The following CCNF variants were observed in gnomAD, a reference collection of about 807,000 sequenced individuals.
CCNF encodes cyclin-F.
A neutral mutation model predicts 85.4 loss-of-function variants in CCNF; 30 were observed. The observed-to-expected ratio is 0.35, with a 90% CI of 0.26 to 0.48. The LOEUF is 0.48. Ranked by LOEUF, CCNF falls within the 20% of genes least tolerant of loss-of-function variation. The probability of loss-of-function intolerance (pLI) is 0.99; values close to 1 mark genes in which losing one functional copy is unlikely to be tolerated. For missense variants in CCNF, 919 were observed against 1,010.4 expected (o/e 0.91, Z 1.23); for synonymous variants, 439 against 425.1 (o/e 1.03, Z -0.40).
chr16:2,429,450 C>A lies in CCNF; in HGVS notation c.-32C>A. The A allele has an allele frequency of 2.5e-6, 3 of 1,217,716 alleles. No individual in the cohort carries two copies. Among genetic ancestry groups the A allele is most frequent in the Non-Finnish European group, 3.1e-6 (3 of 979,580 alleles). 75.4% of individuals were successfully genotyped at this position (1,217,716 alleles called of 1,614,324 possible). A position where few individuals can be genotyped will look rare whatever the true frequency, so the allele number is the denominator to read the frequency against. On this transcript the variant is annotated 5_prime_UTR_variant, in exon 1 of 17. Coordinates refer to ENST00000397066, the MANE Select transcript of CCNF (RefSeq NM_001761.3). ...GCCGGGGCGCGGGCGCGCTCTCAGG[C>A]GGGCTCCGGCGGCAGCGACGCGAGC...
chr16:2,431,447 G>T (rs963910111), intron 2 of CCNF, among the ~76,000 whole-genome samples, 163 bp downstream of exon 2: 1 of 152,116 alleles, frequency 6.6e-6, no homozygotes, highest in Non-Finnish European at 1.5e-5. Context: ...GGAGGCCGAA[G>T]GGGGGTGGAT....
chr16:2,445,918 CGG>C (rs1057008498), intron 10 of CCNF, among the ~76,000 whole-genome samples: 5 of 151,942 alleles, frequency 3.3e-5, no homozygotes, highest in Non-Finnish European at 5.9e-5. Context: ...TTAGTAGAGA[CGG>C]GGTTTCATCA....
At chr16:2,434,711 G>A (rs1184465749) in intron 3 of CCNF, among the ~76,000 whole-genome samples, 2 of 152,280 alleles carry the variant, frequency 1.3e-5, no homozygotes, top group East Asian at 1.9e-4. Flanking sequence ...ACTTTAGAAC[G>A]TTCTCCTTAC....
intron 5 of CCNF, 61 bp from the exon 6 acceptor site, chr16:2,438,009 G>A (rs2065300723): frequency 1.7e-6 from 2 of 1,151,444 alleles, no homozygotes; most frequent in East Asian, 4.7e-5. Flanking sequence ...AGACAAGGGA[G>A]TGGTGGCCCC....
At position 2,453,659 on chromosome 16, in the gene CCNF, A is replaced by C; in HGVS notation, c.1715+122A>C. 7.7e-7 allele frequency: 1 copy of C among 1,306,232 alleles called. No homozygotes were observed. Among genetic ancestry groups the C allele is most frequent in the South Asian group, 1.3e-5 (1 of 76,246 alleles). The allele number at this position is 1,306,232 out of a possible 1,614,324, so 80.9% of individuals were successfully genotyped here. A position where few individuals can be genotyped will look rare whatever the true frequency, so the allele number is the denominator to read the frequency against. ...GCTTGTCAGGGGAGCAGCAGATCCCAGGACAGTGACCCTGGGACGGAGCCC... is the reference window on the plus strand; with the variant it reads ...GCTTGTCAGGGGAGCAGCAGATCCCCGGACAGTGACCCTGGGACGGAGCCC... On this transcript the variant is annotated intron_variant, in intron 15 of 16. Transcript: ENST00000397066. The surrounding 1 kb of genome is among the most constrained non-coding windows in gnomAD (Gnocchi z 5.6).
intron 8 of CCNF, 89 bp from the exon 9 acceptor site, chr16:2,443,560 A>T: frequency 7.4e-7 from 1 of 1,354,750 alleles, no homozygotes; most frequent in Non-Finnish European, 1.0e-6. Flanking sequence ...GTCCACATGC[A>T]TTTGGTGCCT....
At position 2,449,282 on chromosome 16, in the gene CCNF, G is replaced by A. The variant is rs748129007; in HGVS notation, c.1219G>A (p.Val407Ile). 4 of 1,613,592 alleles carry A rather than the reference G, an allele frequency of 2.5e-6. No homozygotes were observed. In the South Asian group the frequency reaches 4.4e-5, roughly 18 times the overall value. The change falls in exon 12 of 17, where the codon GTC (valine) becomes ATC (isoleucine). Residue 407 changes from valine (V) to isoleucine (I), a missense_variant and splice_region_variant. Transcript: ENST00000397066. ...IVSALEGKIR[V>I]PTVVDYKEVL... ...CCCACACCCCGTCCCGGCTGTCTAG[G>A]TCCCCACTGTGGTGGATTACAAGGA... is the stretch of plus-strand genomic sequence containing the variant.
chr16:2,433,125 C>A, intron 3 of CCNF, 58 bp downstream of exon 3: 1 of 1,066,772 alleles, frequency 9.4e-7, no homozygotes, highest in Non-Finnish European at 1.4e-6. Context: ...CCCTATGTGC[C>A]AGTCTGTGTC....
intron 6 of CCNF, among the ~76,000 whole-genome samples, chr16:2,439,103 G>A (rs1199708558): frequency 6.6e-6 from 1 of 150,776 alleles, no homozygotes; most frequent in South Asian, 2.1e-4. Flanking sequence ...TTTGAGACCA[G>A]CCTGGCCAAC....
intron 3 of CCNF, 99 bp from the exon 4 acceptor site, chr16:2,435,686 TATATATATATATATATATTCA>T (rs1567383284): frequency 3.9e-6 from 1 of 256,022 alleles, no homozygotes; most frequent in Non-Finnish European, 7.5e-6. Flanking sequence ...TATATATATA[TATATATATATATATATATTCA>T]ATTCAGGGAA....
Position 2,452,577 on chromosome 16 carries a change from AT to A in CCNF, c.1488-631del, listed in dbSNP as rs752872993. The A allele has an allele frequency of 2.0e-5, 3 of 152,198 alleles. No individual in the cohort carries two copies. The highest frequency in any genetic ancestry group is 4.4e-5 in the Non-Finnish European group (3 of 68,116). 9.4% of individuals were successfully genotyped at this position (152,198 alleles called of 1,614,324 possible). A position where few individuals can be genotyped will look rare whatever the true frequency, so the allele number is the denominator to read the frequency against. ...TTATTTAGAAACTACACTTCCTTTG[AT>A]TGTGTGATTTAACGGGCTTTTATTC... On this transcript the variant is annotated intron_variant, in intron 13 of 16. Transcript: ENST00000397066. This position sits in a 1 kb window ranked among gnomAD's most constrained non-coding sequence, Gnocchi z 4.1.
At position 2,452,043 on chromosome 16, in the gene CCNF, C is replaced by T. The variant is rs2065398073; in HGVS notation, c.1488-1167C>T. On this transcript the variant is annotated intron_variant, in intron 13 of 16. Coordinates refer to ENST00000397066, the MANE Select transcript of CCNF (RefSeq NM_001761.3). This position sits in a 1 kb window ranked among gnomAD's most constrained non-coding sequence, Gnocchi z 4.1. The stretch of plus-strand genomic sequence containing the variant: ...CACCAGCCGCTGCTGCTTCTCCATC[C>T]CTGCATCCTCGTCAGTGCAGTTTCC... Among the ~76,000 whole-genome samples, 1 of 152,240 alleles carries T rather than the reference C, an allele frequency of 6.6e-6. No individual in the cohort carries two copies. Among genetic ancestry groups the T allele is most frequent in the Non-Finnish European group, 1.5e-5 (1 of 68,048 alleles).
chr16:2,436,762 T>C (rs1424339027), intron 4 of CCNF: 1 of 172,990 alleles, frequency 5.8e-6, no homozygotes, highest in East Asian at 1.5e-4. Flanking sequence ...AATATTCTCC[T>C]CGTCCCAAAA....
intron 8 of CCNF, among the ~76,000 whole-genome samples, chr16:2,440,920 C>A (rs925296999): frequency 1.4e-4 from 21 of 152,082 alleles, no homozygotes; most frequent in African/African-American, 4.3e-4. Flanking sequence ...GAGACTCCAT[C>A]TCGACAAAAA....
chr16:2,454,624 C>CTCA (rs906108562), intron 15 of CCNF, among the ~76,000 whole-genome samples: 26 of 152,246 alleles, frequency 1.7e-4, no homozygotes, highest in African/African-American at 5.5e-4. Flanking sequence ...TTTTCCCAGG[C>CTCA]TCACGCCCAC....
chr16:2,449,759 G>GCCCCTCCGT (rs1388005848), intron 12 of CCNF, 69 bp from the exon 13 acceptor site: 1 of 835,244 alleles, frequency 1.2e-6, no homozygotes, highest in Non-Finnish European at 1.9e-6. Flanking sequence ...TGTCACCACA[G>GCCCCTCCGT]CCCCTCCGTC....
rs1248399549 is a variant in CCNF, at chr16:2,435,854, C to G, written c.327C>G (p.Ala109=). 2 of 1,613,438 alleles carry G rather than the reference C, an allele frequency of 1.2e-6. No individual in the cohort carries two copies. Among genetic ancestry groups the G allele is most frequent in the Non-Finnish European group, 1.7e-6 (2 of 1,179,652 alleles). Residue 109 remains alanine, a synonymous_variant, in exon 4 of 17, where the codon GCC becomes GCG. Transcript: ENST00000397066. The part of the protein sequence containing the change: ...NFEAAVKLGI[A]YLYNEGLSVS... Reference sequence around the variant, plus strand: ...AAGCTGCTGTGAAGCTGGGCATAGCCTACCTCTACAATGAAGGCCGTAAGT... The same window carrying G: ...AAGCTGCTGTGAAGCTGGGCATAGCGTACCTCTACAATGAAGGCCGTAAGT...
intron 15 of CCNF, among the ~76,000 whole-genome samples, chr16:2,455,181 TG>T (rs2065419331): frequency 6.6e-6 from 1 of 151,878 alleles, no homozygotes; most frequent in African/African-American, 2.4e-5. Flanking sequence ...CACCCAGACC[TG>T]GGGCCTGAGT....
intron 15 of CCNF, among the ~76,000 whole-genome samples, chr16:2,454,366 G>A (rs1247416584): frequency 2.6e-5 from 4 of 152,138 alleles, no homozygotes; most frequent in Non-Finnish European, 4.4e-5. Flanking sequence ...CACACGCACC[G>A]ACTCCCTGGG....
Sources: gnomAD v4.1 joint callset for allele counts (sites outside exome capture counted in the v4.1 genomes callset) on GRCh38, gnomAD v4.1.1 for gene constraint, Gnocchi (gnomAD v3.1) non-coding constraint, MANE v1.5 for transcripts, NCBI Gene and HGNC (gene_info 2026-07-23, HGNC 2026-07-21) for gene names.